The following ADGRD1 variants were observed in gnomAD, a reference collection of about 807,000 sequenced individuals.
The protein encoded by ADGRD1 is adhesion G protein-coupled receptor D1.
In ADGRD1, 77 loss-of-function variants were observed where a neutral mutation model predicts 113.4. That is an observed-to-expected ratio of 0.68 (90% CI 0.57 to 0.82). The LOEUF is 0.82. Ranked by LOEUF, ADGRD1 falls within the 40% of genes least tolerant of loss-of-function variation. The probability of loss-of-function intolerance (pLI) is 0.00; values close to 1 mark genes in which losing one functional copy is unlikely to be tolerated. For synonymous variants in ADGRD1, 474 were observed against 475.0 expected, an observed-to-expected ratio of 1.00 and a Z score of 0.03; for missense variants, 1,036 against 1,139.1, an observed-to-expected ratio of 0.91 and a Z score of 1.30.
intron 13 of ADGRD1, among the ~76,000 whole-genome samples, chr12:131,055,798 C>T (rs896481226): frequency 2.0e-5 from 3 of 152,192 alleles, no homozygotes; most frequent in African/African-American, 7.2e-5. Flanking sequence ...TCTCCTTAGA[C>T]GGTTCTAGAA....
At chr12:131,048,316 A>G (rs1220625928) in intron 13 of ADGRD1, among the ~76,000 whole-genome samples, 1 of 152,204 alleles carries the variant, frequency 6.6e-6, no homozygotes, top group Non-Finnish European at 1.5e-5. Context: ...CTCCCCAGGG[A>G]GCACGTTTCC....
rs777156146 is a variant in ADGRD1 at position 131,120,838 on chromosome 12, C to T, written c.2109-9C>T. 7 of 1,614,086 alleles carry T rather than the reference C, an allele frequency of 4.3e-6. No homozygotes were observed. In the African/African-American group the frequency reaches 8.0e-5, roughly 18 times the overall value. ...GTTGTTGAAGTAACGGCTCTGCTTC[C>T]CTCCGCAGTTGCTGGCTGTCGTTGG... On this transcript the variant is annotated splice_polypyrimidine_tract_variant and intron_variant, in intron 19 of 24. Transcript: ENST00000261654.
chr12:131,105,787 C>T lies in ADGRD1; in HGVS notation c.1809C>T (p.His603=). 6.2e-7 allele frequency: 1 copy of T among 1,601,450 alleles called. No individual in the cohort carries two copies. Among genetic ancestry groups the T allele is most frequent in the Non-Finnish European group, 8.5e-7 (1 of 1,179,944 alleles). The change falls in exon 17 of 25, where the codon CAC becomes CAT. Residue 603 remains histidine, a synonymous_variant. Transcript: ENST00000261654. ...SVSTIRNQRY[H]IHANLSFAVL... ...GCACCATCCGGAACCAGCGCTACCA[C>T]ATCCACGCCAACCTGTCCTTCGCCG...
At chr12:131,021,387 G>A (rs953012677) in intron 13 of ADGRD1, among the ~76,000 whole-genome samples, 11 of 152,072 alleles carry the variant, frequency 7.2e-5, no homozygotes, top group Admixed American at 5.2e-4. Flanking sequence ...GACACTTCGC[G>A]GCGGCCGGCC....
At chr12:131,045,997 CAGTGTCCTCCCTGGTG>C (rs1023651327) in intron 13 of ADGRD1, among the ~76,000 whole-genome samples, 4 of 149,554 alleles carry the variant, frequency 2.7e-5, no homozygotes, top group East Asian at 2.0e-4. Flanking sequence ...CCTCCTTGCT[CAGTGTCCTCCCTGGTG>C]AGTGTCCTCC....
chr12:130,980,384 G>A lies in ADGRD1; in HGVS notation c.311-1500G>A, dbSNP rs189515186. Among the ~76,000 whole-genome samples the A allele has an allele frequency of 8.5e-3, 1,278 of 151,052 alleles. 5 individuals carry two copies. The highest frequency in any genetic ancestry group is 0.011 in the Non-Finnish European group (768 of 67,816). On this transcript the variant is annotated intron_variant, in intron 4 of 24. Transcript: ENST00000261654. ...CTCCCTAAGTGCTGGGATTACAGGC[G>A]TGAGCCACCATGCCTGGACCCTCTT... is the stretch of plus-strand genomic sequence containing the variant.
intron 20 of ADGRD1, among the ~76,000 whole-genome samples, chr12:131,125,767 T>C (rs969540496): frequency 6.6e-6 from 1 of 152,226 alleles, no homozygotes; most frequent in Non-Finnish European, 1.5e-5. Context: ...ATTTAATACA[T>C]ATAACCTACA....
At chr12:131,054,995 G>A (rs923598172) in intron 13 of ADGRD1, among the ~76,000 whole-genome samples, 1 of 152,190 alleles carries the variant, frequency 6.6e-6, no homozygotes, top group Non-Finnish European at 1.5e-5. Flanking sequence ...CACAAGTCTC[G>A]ACTGAGCTTG....
chr12:130,982,086 G>A, intron 5 of ADGRD1, 23 bp downstream of exon 5: 5 of 1,604,252 alleles, frequency 3.1e-6, no homozygotes, highest in Non-Finnish European at 4.3e-6. Flanking sequence ...ATCGGTCCCG[G>A]GAGGCTCTGC....
At chr12:131,092,485 CGAGGAGCGTGTGGGAGGTTGG>C (rs1566102332) in intron 15 of ADGRD1, among the ~76,000 whole-genome samples, 1 of 152,164 alleles carries the variant, frequency 6.6e-6, no homozygotes, top group African/African-American at 2.4e-5. Flanking sequence ...GGGCAGTGGT[CGAGGAGCGTGTGGGAGGTTGG>C]GAGGAGTCCC....
intron 7 of ADGRD1, 53 bp from the exon 8 acceptor site, chr12:130,992,184 T>A (rs1470332129): frequency 1.4e-6 from 2 of 1,399,576 alleles, no homozygotes; most frequent in Non-Finnish European, 2.0e-6. Context: ...AACTTCTGTA[T>A]AATATTTTGG....
chr12:131,111,653 TTTA>T (rs1201560784), intron 18 of ADGRD1, among the ~76,000 whole-genome samples: 1 of 152,116 alleles, frequency 6.6e-6, no homozygotes, highest in African/African-American at 2.4e-5. Flanking sequence ...GTAATCTTTC[TTTA>T]TCTCTCTTCA....
intron 13 of ADGRD1, among the ~76,000 whole-genome samples, chr12:131,066,879 C>G (rs1432064507): frequency 6.6e-6 from 1 of 152,160 alleles, no homozygotes; most frequent in Non-Finnish European, 1.5e-5. Context: ...GGGCTACGGG[C>G]AGATCTTTCC....
chr12:131,130,019 A>G (rs1389658911), intron 20 of ADGRD1, among the ~76,000 whole-genome samples: 1 of 152,248 alleles, frequency 6.6e-6, no homozygotes, highest in African/African-American at 2.4e-5. Flanking sequence ...CGCGTTTGTC[A>G]CTGTCCTAGT....
At chr12:131,026,188 C>T (rs1329692473) in intron 13 of ADGRD1, 2 of 152,276 alleles carry the variant, frequency 1.3e-5, no homozygotes, top group African/African-American at 4.8e-5. Flanking sequence ...GTGGCTGGGC[C>T]ATGGACTGTG....
At chr12:130,967,622 T>G (rs1462304444) in intron 3 of ADGRD1, 5 of 152,478 alleles carry the variant, frequency 3.3e-5, no homozygotes, top group African/African-American at 1.2e-4. Context: ...CTCCTGTGAT[T>G]TAATGTGTTG....
At chr12:131,006,287 G>A (rs530386304) in intron 12 of ADGRD1, among the ~76,000 whole-genome samples, 62 of 152,340 alleles carry the variant, frequency 4.1e-4, no homozygotes, top group African/African-American at 1.4e-3. Context: ...CTACCCACCC[G>A]CCTGGACAGA....
intron 13 of ADGRD1, among the ~76,000 whole-genome samples, chr12:131,055,043 A>G (rs1424053070): frequency 6.6e-6 from 1 of 152,184 alleles, no homozygotes; most frequent in Non-Finnish European, 1.5e-5. Context: ...GTGCATGGAA[A>G]TTTTATTTAA....
chr12:131,068,494 G>A (rs753639065), intron 13 of ADGRD1, among the ~76,000 whole-genome samples: 24 of 152,288 alleles, frequency 1.6e-4, no homozygotes, highest in Non-Finnish European at 1.0e-4. Context: ...CTTTTCCAAC[G>A]TGAGGAGGGT....
Sources: gnomAD v4.1 joint callset for allele counts (sites outside exome capture counted in the v4.1 genomes callset) on GRCh38, gnomAD v4.1.1 for gene constraint, MANE v1.5 for transcripts, NCBI Gene and HGNC (gene_info 2026-07-23, HGNC 2026-07-21) for gene names.